Variants in RASAL1 observed in about 807,000 individuals in gnomAD.
The protein encoded by RASAL1 is rasGAP-activating-like protein 1.
RASAL1 carries 72 observed loss-of-function variants against 96.6 expected under a neutral mutation model. The observed-to-expected ratio is 0.75, with a 90% CI of 0.62 to 0.91. The LOEUF is 0.91. Ranked by LOEUF, RASAL1 falls within the 40% of genes least tolerant of loss-of-function variation. The pLI is 0.00. For synonymous variants in RASAL1, 405 were observed against 430.4 expected (o/e 0.94, Z 0.73); for missense variants, 1,016 against 1,072.5 (o/e 0.95, Z 0.74).
chr12:113,126,209 C>T (rs993089263), intron 4 of RASAL1, among the ~76,000 whole-genome samples: 1 of 152,016 alleles, frequency 6.6e-6, no homozygotes. Flanking sequence ...TGCTTGAGCC[C>T]GGGAGGCAAA....
At chr12:113,131,595 G>T (rs938703909) in intron 1 of RASAL1, among the ~76,000 whole-genome samples, 1 of 152,112 alleles carries the variant, frequency 6.6e-6, no homozygotes, top group South Asian at 2.1e-4. Context: ...ATCAACCCTC[G>T]AAATCTCTTA....
chr12:113,107,916 A>G (rs1363907811), intron 14 of RASAL1, among the ~76,000 whole-genome samples, 169 bp downstream of exon 14: 1 of 152,234 alleles, frequency 6.6e-6, no homozygotes, highest in Non-Finnish European at 1.5e-5. Context: ...ATTGGAGTGC[A>G]TGATGACTGC....
chr12:113,136,747 C>A (rs1022754666), upstream of RASAL1, among the ~76,000 whole-genome samples: 8 of 152,234 alleles, frequency 5.3e-5, no homozygotes, highest in African/African-American at 1.9e-4. Context: ...GTACCTAATA[C>A]ACGTCCAGAA....
chr12:113,117,688 G>C (rs1386114598), intron 7 of RASAL1, among the ~76,000 whole-genome samples: 2 of 152,060 alleles, frequency 1.3e-5, no homozygotes, highest in Admixed American at 6.5e-5. Flanking sequence ...CATTGTCTAT[G>C]AGCCCTAAAG....
chr12:113,134,325 A>C (rs535165601), intron 1 of RASAL1, among the ~76,000 whole-genome samples: 2 of 152,266 alleles, frequency 1.3e-5, no homozygotes, highest in African/African-American at 4.8e-5. Flanking sequence ...CAGGCAGGAA[A>C]GTCCTCTCTG....
At chr12:113,117,894 A>T (rs531629603) in intron 7 of RASAL1, among the ~76,000 whole-genome samples, 2 of 152,328 alleles carry the variant, frequency 1.3e-5, no homozygotes, top group South Asian at 2.1e-4. Flanking sequence ...CTCATAACGT[A>T]TAAGGAAATC....
At chr12:113,104,110 C>A (rs754581408) in intron 17 of RASAL1, 29 bp from the exon 18 acceptor site, 1 of 907,878 alleles carries the variant, frequency 1.1e-6, no homozygotes, top group Non-Finnish European at 1.7e-6. Flanking sequence ...GATCAGGGGG[C>A]GGGTGGGAAC....
At chr12:113,127,508 G>C (rs570673379) in intron 4 of RASAL1, among the ~76,000 whole-genome samples, 2 of 152,154 alleles carry the variant, frequency 1.3e-5, no homozygotes, top group African/African-American at 4.8e-5. Context: ...AAATTAGCTG[G>C]GTGTGGTGGT....
chr12:113,113,932 G>A (rs1034870467), intron 12 of RASAL1, among the ~76,000 whole-genome samples: 51 of 152,266 alleles, frequency 3.3e-4, no homozygotes, highest in African/African-American at 1.2e-3. Context: ...AATAAAAATC[G>A]CTAATGTTGG....
At chr12:113,128,459 C>T (rs546380041) in intron 2 of RASAL1, among the ~76,000 whole-genome samples, 7 of 150,996 alleles carry the variant, frequency 4.6e-5, no homozygotes, top group Admixed American at 4.0e-4. Context: ...CACTCACATA[C>T]CCAGAGTATC....
At chr12:113,110,722 C>A (rs1592907414) in intron 13 of RASAL1, among the ~76,000 whole-genome samples, 1 of 152,054 alleles carries the variant, frequency 6.6e-6, no homozygotes, top group African/African-American at 2.4e-5. Context: ...GAGTTCGAGA[C>A]CCTCTGGGCA....
Position 113,135,406 on chromosome 12 carries a change from G to C in RASAL1, c.57C>G (p.Ala19=). The C allele has an allele frequency of 6.2e-7, 1 of 1,609,232 alleles. No homozygotes were observed. The highest frequency in any genetic ancestry group is 8.5e-7 in the Non-Finnish European group (1 of 1,178,290). Residue 19 remains alanine, a synonymous_variant, in exon 1 of 21, where the codon GCC becomes GCG. Coordinates refer to ENST00000548055, the MANE Select transcript of RASAL1 (RefSeq NM_001301202.2). This position sits in a 1 kb window ranked among gnomAD's most constrained non-coding sequence, Gnocchi z 5.7. The stretch of plus-strand genomic sequence containing the variant: ...GCCCGAGGAGTACTCACACGTCCTT[G>C]GCAGGCAGCGCGCGGCCCTCCACCA... The part of the protein sequence containing the change: ...VRVVEGRALP[A]KDVSGSSDPY...
At chr12:113,127,939 G>C (rs373386381) in intron 3 of RASAL1, 66 bp from the exon 4 acceptor site, 2 of 1,583,378 alleles carry the variant, frequency 1.3e-6, no homozygotes, top group East Asian at 4.5e-5. Context: ...AAGAGAAGTG[G>C]GGGCAGGTGT....
Position 113,129,109 on chromosome 12 carries a change from T to C in RASAL1, c.123-931A>G, listed in dbSNP as rs767871988. ...GGATCAGAGGAACAGGTGTCAGGGCTGCTTACCCCACAGACCCCCCTTCCA... is the reference window on the plus strand; with the variant it reads ...GGATCAGAGGAACAGGTGTCAGGGCCGCTTACCCCACAGACCCCCCTTCCA... On this transcript the variant is annotated intron_variant, in intron 2 of 20. Coordinates refer to ENST00000548055, the MANE Select transcript of RASAL1 (RefSeq NM_001301202.2). This position sits in a 1 kb window ranked among gnomAD's most constrained non-coding sequence, Gnocchi z 5.0. Among the ~76,000 whole-genome samples, 172 of 152,304 alleles carry C rather than the reference T, an allele frequency of 1.1e-3. 7 individuals are homozygous for C. Among genetic ancestry groups the C allele is most frequent in the Non-Finnish European group, 1.9e-4 (13 of 68,022 alleles).
chr12:113,102,096 T>C, intron 18 of RASAL1, 87 bp from the exon 19 acceptor site: 1 of 1,506,236 alleles, frequency 6.6e-7, no homozygotes, highest in African/African-American at 1.4e-5. Flanking sequence ...CCGTGCTCCT[T>C]CTTCCTGTAA....
At chr12:113,104,491 AT>A (rs1451706673) in intron 16 of RASAL1, among the ~76,000 whole-genome samples, 193 bp from the exon 17 acceptor site, 2 of 151,548 alleles carry the variant, frequency 1.3e-5, no homozygotes, top group South Asian at 2.1e-4. Flanking sequence ...ATCCCCTTTT[AT>A]TTTTTTAATT....
chr12:113,102,296 G>A lies in RASAL1; in HGVS notation c.2105-287C>T, dbSNP rs189190190. 8.0e-4 allele frequency among the ~76,000 whole-genome samples: 122 copies of A among 152,274 alleles called. 1 individual carries two copies. The highest frequency in any genetic ancestry group is 2.9e-3 in the African/African-American group (119 of 41,570). On this transcript the variant is annotated intron_variant, in intron 18 of 20. Transcript: ENST00000548055. ...CCTTGGGTCTGGAGCGGTGGCTCAC[G>A]CCTGTAATCCCAGAACTTTGGGAGG...
intron 2 of RASAL1, among the ~76,000 whole-genome samples, chr12:113,128,590 TAC>T (rs1386558375): frequency 6.6e-6 from 1 of 151,658 alleles, no homozygotes; most frequent in Non-Finnish European, 1.5e-5. Context: ...AGGTCCCAGA[TAC>T]ACAGAGACCA....
At chr12:113,119,079 T>C (rs1420310357) in intron 7 of RASAL1, 49 bp downstream of exon 7, 1 of 1,537,436 alleles carries the variant, frequency 6.5e-7, no homozygotes, top group Non-Finnish European at 8.8e-7. Flanking sequence ...TTCTTCCCCC[T>C]TGGAGGCACT....
Sources: allele counts gnomAD v4.1 joint callset (sites outside exome capture counted in the v4.1 genomes callset), GRCh38; gene constraint gnomAD v4.1.1; non-coding constraint Gnocchi (gnomAD v3.1); transcripts MANE v1.5; gene names NCBI Gene and HGNC (gene_info 2026-07-23, HGNC 2026-07-21).